SPMIP6: variants seen among roughly 807,000 people sequenced by gnomAD.
The protein encoded by SPMIP6 is ciliated bronchial epithelial protein 1.
At chr9:34,380,915 C>A in the SPMIP6 span, 1 of 1,589,560 alleles carries the variant, frequency 6.3e-7, no homozygotes. Context: ...CGGTTGCTCC[C>A]GGCACCAAGG....
chr9:34,392,208 A>G, the SPMIP6 span, among the ~76,000 whole-genome samples: 1 of 151,888 alleles, frequency 6.6e-6, no homozygotes, highest in Non-Finnish European at 1.5e-5. The surrounding 1 kb of genome is among the most constrained non-coding windows in gnomAD (Gnocchi z 4.6). Flanking sequence ...GACTGTAGGC[A>G]CACACCATCA....
the SPMIP6 span, among the ~76,000 whole-genome samples, chr9:34,391,708 A>G: frequency 6.6e-6 from 1 of 152,174 alleles, no homozygotes; most frequent in African/African-American, 2.4e-5. Context: ...ATTTTATTAC[A>G]TTGAGGTTAG....
the SPMIP6 span, chr9:34,389,943 TTA>T: frequency 6.8e-6 from 1 of 146,198 alleles, no homozygotes. Flanking sequence ...TTTTTTTTTT[TTA>T]AGACTAGTCC....
chr9:34,380,745 G>A, the SPMIP6 span: 1 of 1,548,520 alleles, frequency 6.5e-7, no homozygotes, highest in Non-Finnish European at 8.7e-7. Flanking sequence ...GAGCCCGAGG[G>A]CGGGACACGG....
the SPMIP6 span, chr9:34,397,519 C>A: frequency 3.7e-6 from 6 of 1,614,052 alleles, no homozygotes; most frequent in African/African-American, 4.0e-5. Context: ...AACTTGTTGG[C>A]TTCCCAGGCA....
chr9:34,384,137 G>A, the SPMIP6 span, among the ~76,000 whole-genome samples: 4 of 152,182 alleles, frequency 2.6e-5, no homozygotes, highest in Non-Finnish European at 4.4e-5. Flanking sequence ...TTTGGAGTTC[G>A]GGGATGGCAG....
the SPMIP6 span, chr9:34,380,897 C>G: frequency 6.4e-7 from 1 of 1,559,054 alleles, no homozygotes; most frequent in Non-Finnish European, 8.6e-7. Flanking sequence ...CCCTGCGAAC[C>G]TTACAGTCGG....
chr9:34,383,562 A>G, the SPMIP6 span, among the ~76,000 whole-genome samples: 1 of 152,196 alleles, frequency 6.6e-6, no homozygotes, highest in Admixed American at 6.5e-5. Flanking sequence ...TTCCTCTTCC[A>G]GTGCCCCATG....
the SPMIP6 span, chr9:34,380,752 A>T: frequency 2.6e-6 from 4 of 1,547,436 alleles, no homozygotes; most frequent in Non-Finnish European, 3.5e-6. Flanking sequence ...AGGGCGGGAC[A>T]CGGCAGGGCC....
At chr9:34,379,752 C>G in the SPMIP6 span, 6 of 1,602,884 alleles carry the variant, frequency 3.7e-6, no homozygotes, top group Admixed American at 1.0e-4. This position sits in a 1 kb window ranked among gnomAD's most constrained non-coding sequence, Gnocchi z 4.2. Context: ...GAGGAAGCCG[C>G]GAGCATGGAG....
chr9:34,381,351 C>T, the SPMIP6 span: 2 of 1,614,120 alleles, frequency 1.2e-6, no homozygotes, highest in African/African-American at 2.7e-5. This position sits in a 1 kb window ranked among gnomAD's most constrained non-coding sequence, Gnocchi z 4.4. Flanking sequence ...TTTCCAACGC[C>T]CCACTACCAC....
At chr9:34,397,810 C>A in the SPMIP6 span, 1 of 616,860 alleles carries the variant, frequency 1.6e-6, no homozygotes, top group Non-Finnish European at 2.8e-6. Context: ...TTCCTGCTCC[C>A]ACCCCACACT....
the SPMIP6 span, chr9:34,379,786 C>T: frequency 0.016 from 22,582 of 1,434,364 alleles, 227 homozygotes; most frequent in Middle Eastern, 0.026. This position sits in a 1 kb window ranked among gnomAD's most constrained non-coding sequence, Gnocchi z 4.2. Flanking sequence ...TGACTCTCAT[C>T]CCCCGATTTA....
chr9:34,381,977 T>C, the SPMIP6 span, among the ~76,000 whole-genome samples: 1 of 152,202 alleles, frequency 6.6e-6, no homozygotes, highest in Non-Finnish European at 1.5e-5. This position sits in a 1 kb window ranked among gnomAD's most constrained non-coding sequence, Gnocchi z 4.4. Flanking sequence ...AAGACTCTCC[T>C]GTATCTGCAC....
chr9:34,395,046 G>A, the SPMIP6 span, among the ~76,000 whole-genome samples: 10 of 151,076 alleles, frequency 6.6e-5, no homozygotes, highest in East Asian at 1.9e-3. Flanking sequence ...GCTCACTGCA[G>A]CCTCAACCTC....
chr9:34,381,125 T>A, the SPMIP6 span: 1 of 1,588,104 alleles, frequency 6.3e-7, no homozygotes, highest in Non-Finnish European at 8.6e-7. This position sits in a 1 kb window ranked among gnomAD's most constrained non-coding sequence, Gnocchi z 4.4. Flanking sequence ...CACCATCACT[T>A]CGCGCTCTGC....
At chr9:34,382,712 G>A in the SPMIP6 span, 29 of 1,327,746 alleles carry the variant, frequency 2.2e-5, no homozygotes, top group Admixed American at 3.4e-5. Flanking sequence ...TGGGGTATGC[G>A]TGTCCCAGTC....
the SPMIP6 span, chr9:34,397,772 G>T: frequency 1.2e-6 from 1 of 850,686 alleles, no homozygotes; most frequent in Non-Finnish European, 1.8e-6. Context: ...TCCTGCAGAG[G>T]ATCTCTCAGC....
chr9:34,384,511 A>G, the SPMIP6 span, among the ~76,000 whole-genome samples: 1 of 152,312 alleles, frequency 6.6e-6, no homozygotes, highest in African/African-American at 2.4e-5. Context: ...AGAAGAGTGC[A>G]ATTCATTGGT....
Sources: allele counts gnomAD v4.1 joint callset (sites outside exome capture counted in the v4.1 genomes callset), GRCh38; gene constraint gnomAD v4.1.1; non-coding constraint Gnocchi (gnomAD v3.1); transcripts MANE v1.5; gene names NCBI Gene and HGNC (gene_info 2026-07-23, HGNC 2026-07-21).